The following FHIT variants were observed in gnomAD, a reference collection of about 807,000 sequenced individuals.
FHIT encodes the protein fragile histidine triad diadenosine triphosphatase.
Under a neutral mutation model 17.9 loss-of-function variants are expected in FHIT, and 19 were observed. That is an observed-to-expected ratio of 1.06 (90% confidence interval 0.74 to 1.56). The LOEUF (loss-of-function observed/expected upper bound fraction) is 1.56, where lower values mean the gene tolerates loss of function less well. Among genes scored for constraint, FHIT ranks in the 40% most tolerant of loss-of-function variants. The pLI is 0.00. For synonymous variants in FHIT, 81 were observed against 69.7 expected, an observed-to-expected ratio of 1.16 and a Z score of -0.81; for missense variants, 248 against 189.2, an observed-to-expected ratio of 1.31 and a Z score of -1.82.
In FHIT at chr3:59,859,532, A is replaced by C. The variant is rs1702318942; in HGVS notation, c.348+62814T>G. Reference sequence around the variant, plus strand: ...TAGGAGTTCAAGCCCAGCCTGGCCAACATGGTGAAACTCCGTCTCTACTAA... The same window carrying C: ...TAGGAGTTCAAGCCCAGCCTGGCCACCATGGTGAAACTCCGTCTCTACTAA... On this transcript the variant is annotated intron_variant, in intron 8 of 9. Transcript: ENST00000492590. Among the ~76,000 whole-genome samples the C allele has an allele frequency of 3.9e-5, 6 of 152,184 alleles. No homozygotes were observed. The South Asian group carries it at 1.2e-3, about 32-fold the overall frequency.
intron 4 of FHIT, among the ~76,000 whole-genome samples, chr3:60,734,506 G>A (rs1378952296): frequency 6.6e-6 from 1 of 152,132 alleles, no homozygotes; most frequent in Non-Finnish European, 1.5e-5. Context: ...AGGCTCAGAA[G>A]GTCCTCCCAC....
chr3:60,027,946 T>C (rs966986694), intron 5 of FHIT, among the ~76,000 whole-genome samples: 3 of 152,190 alleles, frequency 2.0e-5, no homozygotes, highest in Non-Finnish European at 2.9e-5. Flanking sequence ...CCATATTTAA[T>C]TGCATTTTGT....
chr3:60,713,871 C>G (rs1258756290), intron 4 of FHIT, among the ~76,000 whole-genome samples: 9 of 151,466 alleles, frequency 5.9e-5, no homozygotes, highest in African/African-American at 2.2e-4. Flanking sequence ...GGAACTGGTA[C>G]CATTCCTTCT....
At chr3:60,191,251 T>C (rs1461770349) in intron 5 of FHIT, among the ~76,000 whole-genome samples, 1 of 152,136 alleles carries the variant, frequency 6.6e-6, no homozygotes, top group African/African-American at 2.4e-5. Context: ...ACAGAATTTA[T>C]ACAAAAATAA....
chr3:60,113,221 T>C (rs150077413), intron 5 of FHIT, among the ~76,000 whole-genome samples: 470 of 152,278 alleles, frequency 3.1e-3, no homozygotes, highest in Non-Finnish European at 5.5e-3. Context: ...TCTGTGAAGG[T>C]AAGGATCCTG....
chr3:59,857,417 C>T (rs1702204140), intron 8 of FHIT, among the ~76,000 whole-genome samples: 1 of 152,074 alleles, frequency 6.6e-6, no homozygotes, highest in Admixed American at 6.6e-5. Flanking sequence ...CTCTCTACCA[C>T]GTTCCTGACA....
chr3:60,670,323 C>A, intron 4 of FHIT, among the ~76,000 whole-genome samples: 1 of 152,310 alleles, frequency 6.6e-6, no homozygotes, highest in East Asian at 1.9e-4. Flanking sequence ...CTTTCAGTAT[C>A]CTGAGGCAGG....
intron 8 of FHIT, among the ~76,000 whole-genome samples, chr3:59,818,984 G>C (rs1318971446): frequency 6.6e-6 from 1 of 152,196 alleles, no homozygotes; most frequent in Non-Finnish European, 1.5e-5. Flanking sequence ...GCAATGCAGA[G>C]AAGAGAGATA....
chr3:60,066,843 A>G (rs1326831592), intron 5 of FHIT, among the ~76,000 whole-genome samples: 1 of 151,626 alleles, frequency 6.6e-6, no homozygotes, highest in Non-Finnish European at 1.5e-5. Context: ...TTTTTAGTAG[A>G]GACGGGGTTT....
At chr3:59,809,597 C>CA (rs1173846185) in intron 8 of FHIT, among the ~76,000 whole-genome samples, 2 of 152,086 alleles carry the variant, frequency 1.3e-5, no homozygotes, top group South Asian at 2.1e-4. Flanking sequence ...TTAGTTCTCA[C>CA]AAAAAAATCT....
At chr3:59,778,314 T>C (rs1257403439) in intron 8 of FHIT, among the ~76,000 whole-genome samples, 3 of 152,132 alleles carry the variant, frequency 2.0e-5, no homozygotes, top group Non-Finnish European at 4.4e-5. Flanking sequence ...CGCAAACTTG[T>C]AGGGAGTGGG....
intron 5 of FHIT, among the ~76,000 whole-genome samples, chr3:60,026,541 T>A (rs912502738): frequency 2.0e-5 from 3 of 152,162 alleles, no homozygotes; most frequent in African/African-American, 7.2e-5. Context: ...TATTTCCCCC[T>A]CATAATGTAA....
At chr3:60,442,130 G>C (rs1372056609) in intron 5 of FHIT, among the ~76,000 whole-genome samples, 2 of 151,860 alleles carry the variant, frequency 1.3e-5, no homozygotes, top group Non-Finnish European at 2.9e-5. Flanking sequence ...AAAGCACTGG[G>C]ATTGCAGGCA....
intron 5 of FHIT, among the ~76,000 whole-genome samples, chr3:60,161,906 T>C (rs1433132471): frequency 1.3e-5 from 2 of 152,232 alleles, no homozygotes; most frequent in African/African-American, 4.8e-5. Context: ...ACCCCTTCAA[T>C]GGGCACAAGT....
chr3:61,225,867 A>T (rs1479351927), intron 1 of FHIT, among the ~76,000 whole-genome samples: 4 of 152,226 alleles, frequency 2.6e-5, no homozygotes, highest in Non-Finnish European at 5.9e-5. Flanking sequence ...TATAAATACA[A>T]TGTCTATCTA....
At chr3:60,279,643 C>T (rs979354857) in intron 5 of FHIT, among the ~76,000 whole-genome samples, 5 of 152,040 alleles carry the variant, frequency 3.3e-5, no homozygotes, top group Admixed American at 2.0e-4. Context: ...TAATATCGCT[C>T]GTGAACATGA....
chr3:60,837,303 T>A (rs749778074), intron 3 of FHIT, among the ~76,000 whole-genome samples: 13 of 152,176 alleles, frequency 8.5e-5, no homozygotes, highest in Non-Finnish European at 1.6e-4. Context: ...AAAAAATGTT[T>A]TAAAATGCAT....
At chr3:59,878,282 T>A (rs1455214090) in intron 8 of FHIT, among the ~76,000 whole-genome samples, 1 of 151,960 alleles carries the variant, frequency 6.6e-6, no homozygotes, top group Non-Finnish European at 1.5e-5. Context: ...ACTTTGGACT[T>A]CCAGGCACGT....
rs534998667 is a variant in FHIT at position 59,780,540 on chromosome 3, C to G, written c.349-28219G>C. Among the ~76,000 whole-genome samples, 22 of 152,272 alleles carry G rather than the reference C, an allele frequency of 1.4e-4. 1 individual carries two copies. In the South Asian group the frequency reaches 4.6e-3, roughly 32 times the overall value. On this transcript the variant is annotated intron_variant, in intron 8 of 9. Transcript: ENST00000492590. ...TGGTATGGACTGAATGTGTGTGCCC[C>G]CACCACTTCCCCAAAATTCATTAAC...
Sources: allele counts gnomAD v4.1 joint callset (sites outside exome capture counted in the v4.1 genomes callset), GRCh38; gene constraint gnomAD v4.1.1; transcripts MANE v1.5; gene names NCBI Gene and HGNC (gene_info 2026-07-23, HGNC 2026-07-21).